Variants in ZMYND8 observed in about 807,000 individuals in gnomAD.
The protein encoded by ZMYND8 is zinc finger MYND-type containing 8, also known as MYND-type zinc finger-containing chromatin reader ZMYND8.
A neutral mutation model predicts 140.8 loss-of-function variants in ZMYND8; 37 were observed. The observed-to-expected ratio is 0.26, with a 90% CI of 0.20 to 0.35. The LOEUF is 0.35. Among genes scored for constraint, ZMYND8 ranks in the 10% least tolerant of loss-of-function variants. The pLI is 1.00. For synonymous variants in ZMYND8, 592 were observed against 597.1 expected (o/e 0.99, Z 0.12); for missense variants, 1,068 against 1,570.0 (o/e 0.68, Z 5.40).
intron 16 of ZMYND8, among the ~76,000 whole-genome samples, chr20:47,235,966 A>G (rs2039182201): frequency 6.6e-6 from 1 of 152,158 alleles, no homozygotes; most frequent in African/African-American, 2.4e-5. Context: ...TCTGCTCCAC[A>G]TGCAAAGCTC....
chr20:47,294,379 A>C (rs973546313), intron 5 of ZMYND8, among the ~76,000 whole-genome samples: 1 of 149,824 alleles, frequency 6.7e-6, no homozygotes, highest in Admixed American at 6.6e-5. Context: ...AACAAAAAAA[A>C]AAACCTCTTT....
At chr20:47,231,623 G>C (rs2038496671) in intron 16 of ZMYND8, among the ~76,000 whole-genome samples, 1 of 152,180 alleles carries the variant, frequency 6.6e-6, no homozygotes, top group African/African-American at 2.4e-5. Flanking sequence ...CCCCAAAATG[G>C]AGTAAAATGA....
chr20:47,251,191 G>T (rs1043572489), intron 12 of ZMYND8, among the ~76,000 whole-genome samples: 1 of 152,154 alleles, frequency 6.6e-6, no homozygotes, highest in Non-Finnish European at 1.5e-5. Flanking sequence ...CTGTGTGCAT[G>T]CATGTGTGTG....
intron 1 of ZMYND8, chr20:47,351,825 A>G: frequency 1.0e-6 from 1 of 985,454 alleles, no homozygotes. Context: ...TTTGTTCAAT[A>G]GCTGTAGCTC....
intron 2 of ZMYND8, among the ~76,000 whole-genome samples, chr20:47,316,985 A>C (rs925635357): frequency 6.6e-6 from 1 of 152,098 alleles, no homozygotes; most frequent in Non-Finnish European, 1.5e-5. Context: ...CTGGGATTTC[A>C]ACCCAGGCAG....
rs148971477 is a variant in ZMYND8 at position 47,347,000 on chromosome 20, C to T, written c.85+856G>A. ...CACTCTGCAGCCAAATGAGAATCTCCTTCCGGCAGTATGCAGTAACCCTGT... is the reference window on the plus strand; with the variant it reads ...CACTCTGCAGCCAAATGAGAATCTCTTTCCGGCAGTATGCAGTAACCCTGT... On this transcript the variant is annotated intron_variant, in intron 2 of 22. Coordinates refer to ENST00000471951, the MANE Select transcript of ZMYND8 (RefSeq NM_001281775.3). Among the ~76,000 whole-genome samples, 664 of 152,306 alleles carry T rather than the reference C, an allele frequency of 4.4e-3. 4 individuals carry two copies. The highest frequency in any genetic ancestry group is 0.015 in the African/African-American group (637 of 41,564).
At chr20:47,339,132 C>A (rs911052645) in intron 2 of ZMYND8, among the ~76,000 whole-genome samples, 1 of 151,910 alleles carries the variant, frequency 6.6e-6, no homozygotes, top group African/African-American at 2.4e-5. Context: ...ACCTCCACGC[C>A]CGGCTAATTT....
chr20:47,335,569 G>A (rs2081331076), intron 2 of ZMYND8, among the ~76,000 whole-genome samples: 1 of 152,160 alleles, frequency 6.6e-6, no homozygotes, highest in Admixed American at 6.5e-5. Context: ...CCTCAGCCCT[G>A]ATATGCTTAT....
At chr20:47,323,378 C>G (rs761022) in intron 2 of ZMYND8, among the ~76,000 whole-genome samples, 41,101 of 151,804 alleles carry the variant, frequency 0.27, 10,292 homozygotes, top group African/African-American at 0.67. Context: ...AAGTAGCTAA[C>G]ACCACGGTGT....
intron 8 of ZMYND8, among the ~76,000 whole-genome samples, chr20:47,286,330 C>T (rs1275373657): frequency 6.6e-6 from 1 of 152,022 alleles, no homozygotes; most frequent in African/African-American, 2.4e-5. Flanking sequence ...AGGCATGTTC[C>T]ACCATACCCA....
chr20:47,302,241 G>A (rs186439602), intron 3 of ZMYND8, among the ~76,000 whole-genome samples: 288 of 152,232 alleles, frequency 1.9e-3, no homozygotes, highest in African/African-American at 6.7e-3. Context: ...TTGGGAGGCC[G>A]AGGTGGGTGG....
At chr20:47,273,037 T>C (rs1449770973) in intron 11 of ZMYND8, among the ~76,000 whole-genome samples, 1 of 152,152 alleles carries the variant, frequency 6.6e-6, no homozygotes, top group Non-Finnish European at 1.5e-5. Context: ...AATCTGGCTG[T>C]GGGGACTTTC....
At chr20:47,325,935 C>CTAATT (rs1290221966) in intron 2 of ZMYND8, among the ~76,000 whole-genome samples, 1 of 151,966 alleles carries the variant, frequency 6.6e-6, no homozygotes. Context: ...CCACACCCAG[C>CTAATT]TAATTTTATT....
intron 13 of ZMYND8, among the ~76,000 whole-genome samples, chr20:47,249,025 T>G (rs770443234): frequency 6.6e-6 from 1 of 152,246 alleles, no homozygotes; most frequent in Non-Finnish European, 1.5e-5. Flanking sequence ...TTGCAAACCT[T>G]GATGATTCAA....
intron 2 of ZMYND8, chr20:47,320,034 A>G (rs1182807582): frequency 1.3e-5 from 2 of 151,984 alleles, no homozygotes; most frequent in Admixed American, 1.3e-4. Flanking sequence ...GGCACTATTT[A>G]TCCAGCCCCT....
chr20:47,238,678 T>TA, intron 15 of ZMYND8, 80 bp downstream of exon 15: 1 of 1,519,902 alleles, frequency 6.6e-7, no homozygotes, highest in South Asian at 1.2e-5. Flanking sequence ...AAAAAAAAAA[T>TA]AAAAGAGCAA....
chr20:47,272,373 G>A (rs1489112972), intron 11 of ZMYND8, among the ~76,000 whole-genome samples: 5 of 152,096 alleles, frequency 3.3e-5, no homozygotes, highest in South Asian at 2.1e-4. Context: ...CACCGCACCC[G>A]GACCCTCTTT....
intron 2 of ZMYND8, among the ~76,000 whole-genome samples, chr20:47,313,945 A>T (rs2079169201): frequency 6.7e-6 from 1 of 150,316 alleles, no homozygotes; most frequent in Non-Finnish European, 1.5e-5. Context: ...AAAAATTAAT[A>T]ATAAATAAAG....
chr20:47,309,451 G>A (rs1446903029), intron 3 of ZMYND8, among the ~76,000 whole-genome samples: 1 of 152,014 alleles, frequency 6.6e-6, no homozygotes, highest in East Asian at 1.9e-4. Flanking sequence ...GACTACAGGC[G>A]CATGCCACCA....
Sources: gnomAD v4.1 joint callset for allele counts (sites outside exome capture counted in the v4.1 genomes callset) on GRCh38, gnomAD v4.1.1 for gene constraint, MANE v1.5 for transcripts, NCBI Gene and HGNC (gene_info 2026-07-23, HGNC 2026-07-21) for gene names.